Variants in ANKRD42 observed in about 807,000 individuals in gnomAD.
ANKRD42 encodes the protein ankyrin repeat domain 42, also known as ankyrin repeat domain-containing protein 42.
Under a neutral mutation model 51.5 loss-of-function variants are expected in ANKRD42, and 43 were observed. The observed-to-expected ratio is 0.83, with a 90% CI of 0.65 to 1.08. ANKRD42 has a LOEUF of 1.08. Among genes scored for constraint, ANKRD42 ranks in the 50% least tolerant of loss-of-function variants. The pLI is 0.00. For missense variants in ANKRD42, 608 were observed against 629.3 expected (o/e 0.97, Z 0.36); for synonymous variants, 203 against 213.0 (o/e 0.95, Z 0.41).
intron 7 of ANKRD42, among the ~76,000 whole-genome samples, chr11:83,233,392 C>G (rs1418926650): frequency 2.0e-5 from 3 of 152,046 alleles, no homozygotes; most frequent in Non-Finnish European, 4.4e-5. Flanking sequence ...ATAGTAGCCA[C>G]TAATGATCCA....
intron 9 of ANKRD42, among the ~76,000 whole-genome samples, chr11:83,241,910 A>G (rs1863398692): frequency 1.3e-5 from 2 of 152,160 alleles, no homozygotes; most frequent in African/African-American, 4.8e-5. Context: ...AACATACTCC[A>G]TCTAACAATA....
At chr11:83,223,912 G>A (rs1050306317) in intron 5 of ANKRD42, among the ~76,000 whole-genome samples, 3 of 150,506 alleles carry the variant, frequency 2.0e-5, no homozygotes, top group African/African-American at 7.3e-5. Flanking sequence ...TGTAATCATT[G>A]CCTCAAAGCT....
At chr11:83,210,116 A>G in intron 3 of ANKRD42, 184 bp from the exon 4 acceptor site, 2 of 530,540 alleles carry the variant, frequency 3.8e-6, no homozygotes, top group South Asian at 3.6e-5. Context: ...TCTAAAAAAA[A>G]AAACAAACAT....
At chr11:83,263,120 A>G (rs184980820), downstream of ANKRD42, among the ~76,000 whole-genome samples, 19 of 152,282 alleles carry the variant, frequency 1.2e-4, no homozygotes, top group African/African-American at 4.3e-4. Context: ...CACACACACA[A>G]AATTTGTGAT....
chr11:83,197,903 G>T (rs962069282), intron 1 of ANKRD42, among the ~76,000 whole-genome samples: 1 of 152,124 alleles, frequency 6.6e-6, no homozygotes, highest in Admixed American at 6.5e-5. Flanking sequence ...GGAGGCCTTT[G>T]TTATGGAGAA....
Position 83,227,927 on chromosome 11 carries a change from CT to C in ANKRD42, c.913+59del, listed in dbSNP as rs552503571. 2.3e-4 allele frequency: 353 copies of C among 1,526,866 alleles called. 2 individuals are homozygous for C. The South Asian group carries it at 4.4e-3, about 19-fold the overall frequency. 94.6% of individuals were successfully genotyped at this position (1,526,866 alleles called of 1,614,324 possible). ...ATACAATAGCTGCTGAGTTATTCATCTTTTAAAGTAATTATCAGTCAGAAAC... is the reference window on the plus strand; with the variant it reads ...ATACAATAGCTGCTGAGTTATTCATCTTTAAAGTAATTATCAGTCAGAAAC... On this transcript the variant is annotated intron_variant, in intron 7 of 10. Coordinates refer to ENST00000533342, the MANE Select transcript of ANKRD42 (RefSeq NM_001300975.2).
intron 5 of ANKRD42, chr11:83,214,430 T>G (rs1030213993): frequency 2.0e-6 from 2 of 982,014 alleles, no homozygotes; most frequent in Admixed American, 6.2e-5. Flanking sequence ...ATCATTTTTG[T>G]TGGTCTTGTC....
At chr11:83,226,243 A>G (rs1168849808) in intron 6 of ANKRD42, among the ~76,000 whole-genome samples, 1 of 152,132 alleles carries the variant, frequency 6.6e-6, no homozygotes, top group African/African-American at 2.4e-5. Context: ...ACACACATAC[A>G]CACACACAAC....
At chr11:83,261,937 A>C, downstream of ANKRD42, 2 of 1,603,398 alleles carry the variant, frequency 1.2e-6, no homozygotes, top group Non-Finnish European at 1.7e-6. Flanking sequence ...TAAAATCCCA[A>C]TGCTATTGCC....
chr11:83,217,581 A>G (rs968322251), intron 5 of ANKRD42, among the ~76,000 whole-genome samples: 11 of 152,166 alleles, frequency 7.2e-5, no homozygotes, highest in African/African-American at 1.9e-4. Context: ...TCAGTGGTCA[A>G]ACTTACCTGG....
At chr11:83,202,549 G>A (rs1861911685) in intron 2 of ANKRD42, among the ~76,000 whole-genome samples, 1 of 152,128 alleles carries the variant, frequency 6.6e-6, no homozygotes, top group Non-Finnish European at 1.5e-5. Flanking sequence ...AGCTTGATGG[G>A]AATAGCATTG....
chr11:83,202,563 C>G (rs775510110), intron 2 of ANKRD42, among the ~76,000 whole-genome samples: 2 of 152,154 alleles, frequency 1.3e-5, no homozygotes, highest in Non-Finnish European at 2.9e-5. Context: ...AGCATTGAAT[C>G]TATAAATTAC....
intron 5 of ANKRD42, among the ~76,000 whole-genome samples, chr11:83,219,697 A>G (rs1862656310): frequency 6.6e-6 from 1 of 152,240 alleles, no homozygotes; most frequent in Non-Finnish European, 1.5e-5. Flanking sequence ...ACCTGTGCCT[A>G]TGCACCACAG....
At chr11:83,200,589 C>T (rs1861830858) in intron 2 of ANKRD42, among the ~76,000 whole-genome samples, 1 of 152,172 alleles carries the variant, frequency 6.6e-6, no homozygotes, top group African/African-American at 2.4e-5. Context: ...TCGTGTTACA[C>T]ATTGATGCAG....
chr11:83,216,448 C>A (rs1256839310), intron 5 of ANKRD42, among the ~76,000 whole-genome samples: 1 of 152,044 alleles, frequency 6.6e-6, no homozygotes, highest in Non-Finnish European at 1.5e-5. Context: ...CCTCAGCCTC[C>A]CGAGTAGCTG....
At chr11:83,262,049 G>T, downstream of ANKRD42, 1 of 943,776 alleles carries the variant, frequency 1.1e-6, no homozygotes, top group South Asian at 1.8e-5. Flanking sequence ...ATCTTTAAGT[G>T]AAGAGCAAAA....
chr11:83,260,826 TAACAA>T (rs558201502), downstream of ANKRD42: 1 of 152,326 alleles, frequency 6.6e-6, no homozygotes, highest in East Asian at 1.9e-4. Flanking sequence ...ATATATCTAA[TAACAA>T]AACAAAATAC....
intron 5 of ANKRD42, among the ~76,000 whole-genome samples, chr11:83,222,351 T>C (rs938494510): frequency 2.0e-5 from 3 of 152,186 alleles, no homozygotes; most frequent in Non-Finnish European, 4.4e-5. Context: ...GCTGGAGATA[T>C]TACAGCAAAT....
chr11:83,211,258 T>C, intron 4 of ANKRD42, 37 bp from the exon 5 acceptor site: 1 of 1,611,998 alleles, frequency 6.2e-7, no homozygotes, highest in Non-Finnish European at 8.5e-7. Context: ...CCCTACAAAA[T>C]GGGGAGAAAC....
Sources: gnomAD v4.1 joint callset for allele counts (sites outside exome capture counted in the v4.1 genomes callset) on GRCh38, gnomAD v4.1.1 for gene constraint, MANE v1.5 for transcripts, NCBI Gene and HGNC (gene_info 2026-07-23, HGNC 2026-07-21) for gene names.